TRHR: variants seen among roughly 807,000 people sequenced by gnomAD.
TRHR encodes the protein thyrotropin-releasing hormone receptor.
In TRHR, 14 loss-of-function variants were observed where a neutral mutation model predicts 28.0. The ratio of observed to expected loss-of-function variants is 0.50; its 90% CI spans 0.33 to 0.78. The LOEUF is 0.78. Among genes scored for constraint, TRHR ranks in the 30% least tolerant of loss-of-function variants. TRHR has a pLI of 0.02. For synonymous variants in TRHR, 176 were observed against 171.9 expected (o/e 1.02, Z -0.18); for missense variants, 438 against 469.5 (o/e 0.93, Z 0.62).
At chr8:109,096,750 C>A (rs1281326858) in intron 2 of TRHR, among the ~76,000 whole-genome samples, 1 of 151,924 alleles carries the variant, frequency 6.6e-6, no homozygotes, top group Non-Finnish European at 1.5e-5. Context: ...TATCAGCACA[C>A]TTTTGTGTTT....
intron 2 of TRHR, among the ~76,000 whole-genome samples, chr8:109,113,831 A>G (rs1811875241): frequency 6.6e-6 from 1 of 152,288 alleles, no homozygotes; most frequent in African/African-American, 2.4e-5. Context: ...AGTTACAATA[A>G]TAGTAGTTAG....
rs1811439315 is a variant in TRHR at position 109,086,747 on chromosome 8, C to T, written c.-225C>T. On this transcript the variant is annotated 5_prime_UTR_variant, in exon 1 of 3. Coordinates refer to ENST00000518632, the MANE Select transcript of TRHR (RefSeq NM_003301.7). ...AAAGGGCTGTGAGGGTTTGGAGAAA[C>T]TGCAGTTTTAAAGACTGAGCACTGC... 6.6e-6 allele frequency: 1 copy of T among 152,358 alleles called. No homozygotes were observed. Among genetic ancestry groups the T allele is most frequent in the South Asian group, 2.1e-4 (1 of 4,840 alleles). 9.4% of individuals were successfully genotyped at this position (152,358 alleles called of 1,614,324 possible).
intron 2 of TRHR, among the ~76,000 whole-genome samples, chr8:109,089,962 G>C (rs535990784): frequency 1.3e-5 from 2 of 152,180 alleles, no homozygotes; most frequent in South Asian, 4.2e-4. Flanking sequence ...GCATTAATAT[G>C]CTTTAATTTG....
rs1184972862 is a variant in TRHR, at chr8:109,120,212, A to T, written c.*757A>T. 6.6e-6 allele frequency among the ~76,000 whole-genome samples: 1 copy of T among 151,932 alleles called. No homozygotes were observed. The highest frequency in any genetic ancestry group is 6.6e-5 in the Admixed American group (1 of 15,208). On this transcript the variant is annotated 3_prime_UTR_variant, in exon 3 of 3. Coordinates refer to ENST00000518632, the MANE Select transcript of TRHR (RefSeq NM_003301.7). ...TGGGTGGAAAAAGGCAAAAGCCCAG[A>T]TTAAGTAACTGTGAAGATACAAACT...
chr8:109,091,114 A>G (rs977301781), intron 2 of TRHR, among the ~76,000 whole-genome samples: 13 of 152,158 alleles, frequency 8.5e-5, no homozygotes, highest in African/African-American at 3.1e-4. Flanking sequence ...ATTTGAAGAG[A>G]GAGAGATTGG....
At chr8:109,101,478 T>A (rs530504769) in intron 2 of TRHR, among the ~76,000 whole-genome samples, 1 of 152,258 alleles carries the variant, frequency 6.6e-6, no homozygotes, top group Non-Finnish European at 1.5e-5. Flanking sequence ...CATTTGTATA[T>A]CTATAAAAAG....
rs143603967 is a variant in TRHR at position 109,087,862 on chromosome 8, C to T, written c.350C>T (p.Thr117Ile). 6.2e-7 allele frequency: 1 copy of T among 1,614,094 alleles called. No homozygotes were observed. Among genetic ancestry groups the T allele is most frequent in the Non-Finnish European group, 8.5e-7 (1 of 1,180,050 alleles). ...LGINASSCSI[T>I]AFTIERYIAI... ...ATTAATGCATCCTCTTGTTCAATAA[C>T]AGCCTTTACCATTGAGAGGTACATA... is the stretch of plus-strand genomic sequence containing the variant. The change falls in exon 2 of 3, where the codon ACA becomes ATA. Residue 117 changes from threonine to isoleucine, a missense_variant. Coordinates refer to ENST00000518632, the MANE Select transcript of TRHR (RefSeq NM_003301.7).
chr8:109,115,919 T>G (rs530327181), intron 2 of TRHR, among the ~76,000 whole-genome samples: 9 of 152,302 alleles, frequency 5.9e-5, no homozygotes, highest in Middle Eastern at 3.4e-3. Flanking sequence ...TTTTTGCCCA[T>G]TCAGTATGAT....
intron 2 of TRHR, among the ~76,000 whole-genome samples, chr8:109,116,874 T>C (rs1811930432): frequency 6.6e-6 from 1 of 151,952 alleles, no homozygotes; most frequent in African/African-American, 2.4e-5. Flanking sequence ...TCAACAAGTA[T>C]AGGTCACTGC....
chr8:109,089,467 A>G (rs1168233325), intron 2 of TRHR, among the ~76,000 whole-genome samples: 1 of 152,112 alleles, frequency 6.6e-6, no homozygotes, highest in Non-Finnish European at 1.5e-5. Context: ...ATAAACTGCT[A>G]AAAAATTTAA....
chr8:109,097,204 G>C (rs16892486), intron 2 of TRHR, among the ~76,000 whole-genome samples: 39,969 of 152,010 alleles, frequency 0.26, 5,736 homozygotes, highest in East Asian at 0.47. Context: ...GCATAGAGAG[G>C]CAGAGAAATG....
At chr8:109,093,555 A>G in intron 2 of TRHR, among the ~76,000 whole-genome samples, 1 of 151,282 alleles carries the variant, frequency 6.6e-6, no homozygotes, top group South Asian at 2.1e-4. Context: ...ACAGGCATGC[A>G]CCACCATGGC....
At position 109,119,492 on chromosome 8, in the gene TRHR, G is replaced by A. The variant is rs773089705; in HGVS notation, c.*37G>A. The A allele has an allele frequency of 2.5e-6, 4 of 1,605,876 alleles. No homozygotes were observed. The highest frequency in any genetic ancestry group is 3.3e-5 in the Admixed American group (2 of 59,706). On this transcript the variant is annotated 3_prime_UTR_variant, in exon 3 of 3. Transcript: ENST00000518632. ...GAAGAAAATGGATGACAAAGAAAATGAGAATCTGTGCAGTCATCAACAAAA... is the reference window on the plus strand; with the variant it reads ...GAAGAAAATGGATGACAAAGAAAATAAGAATCTGTGCAGTCATCAACAAAA...
chr8:109,108,992 G>A (rs918713432), intron 2 of TRHR, among the ~76,000 whole-genome samples: 19 of 152,176 alleles, frequency 1.2e-4, no homozygotes, highest in African/African-American at 3.9e-4. Flanking sequence ...AAGTCTAGAT[G>A]CAAATCTTAC....
intron 2 of TRHR, among the ~76,000 whole-genome samples, chr8:109,092,913 A>G (rs1318971369): frequency 6.6e-6 from 1 of 151,898 alleles, no homozygotes; most frequent in African/African-American, 2.4e-5. Context: ...TCATTTTGTT[A>G]TACCGCTTTT....
rs1002007449 is a variant in TRHR, at chr8:109,087,996, T to C, written c.484T>C (p.Phe162Leu). The C allele has an allele frequency of 5.0e-6, 8 of 1,614,004 alleles. No homozygotes were observed. The East Asian group carries it at 1.8e-4, about 36-fold the overall frequency. The change falls in exon 2 of 3, where the codon TTC (phenylalanine) becomes CTC (leucine). Residue 162 changes from phenylalanine (F) to leucine (L), a missense_variant. Coordinates refer to ENST00000518632, the MANE Select transcript of TRHR (RefSeq NM_003301.7). ...ATCTCTTTACTGTATGCTCTGGTTC[T>C]TCTTGCTGGATCTCAATATTAGCAC... is the stretch of plus-strand genomic sequence containing the variant. ...FTSLYCMLWF[F>L]LLDLNISTYK...
chr8:109,098,898 G>A (rs548747259), intron 2 of TRHR, among the ~76,000 whole-genome samples: 11 of 152,102 alleles, frequency 7.2e-5, no homozygotes, highest in East Asian at 3.9e-4. Context: ...CCATTTTGCC[G>A]TTAATAATTT....
chr8:109,095,162 G>C (rs977925784), intron 2 of TRHR, among the ~76,000 whole-genome samples: 2 of 151,868 alleles, frequency 1.3e-5, no homozygotes, highest in Non-Finnish European at 2.9e-5. Context: ...CACTATCCTA[G>C]GTATAGAGGC....
At chr8:109,117,099 C>T (rs1290689267) in intron 2 of TRHR, among the ~76,000 whole-genome samples, 2 of 151,936 alleles carry the variant, frequency 1.3e-5, no homozygotes, top group African/African-American at 2.4e-5. Context: ...TGAAATTCAA[C>T]CTTTCTTCTG....
Sources: gnomAD v4.1 joint callset for allele counts (sites outside exome capture counted in the v4.1 genomes callset) on GRCh38, gnomAD v4.1.1 for gene constraint, MANE v1.5 for transcripts, NCBI Gene and HGNC (gene_info 2026-07-23, HGNC 2026-07-21) for gene names.